AK9: variants seen among roughly 807,000 people sequenced by gnomAD.
The protein encoded by AK9 is adenylate kinase 9.
AK9 carries 191 observed loss-of-function variants against 239.6 expected under a neutral mutation model. The observed-to-expected ratio is 0.80, with a 90% CI of 0.71 to 0.90. The LOEUF (loss-of-function observed/expected upper bound fraction) is 0.90. Among genes scored for constraint, AK9 ranks in the 40% least tolerant of loss-of-function variants. AK9 has a pLI of 0.00. For synonymous variants in AK9, 689 were observed against 721.0 expected (o/e 0.96, Z 0.71); for missense variants, 1,995 against 2,214.7 (o/e 0.90, Z 1.99).
At chr6:109,502,463 C>T (rs1391703516) in intron 35 of AK9, among the ~76,000 whole-genome samples, 1 of 152,120 alleles carries the variant, frequency 6.6e-6, no homozygotes, top group Non-Finnish European at 1.5e-5. Flanking sequence ...TTTCTGGCAA[C>T]ACTGGAAAAA....
rs73527072 is a variant in AK9, at chr6:109,633,481, T to G, written c.934-158A>C. On this transcript the variant is annotated intron_variant, in intron 10 of 40. Transcript: ENST00000424296. ...TTTCTTAATTGCAACATCCTGCACT[T>G]GTCCTTGATTTAATAAGACAGTGTA... Among the ~76,000 whole-genome samples, 926 of 152,354 alleles carry G rather than the reference T, an allele frequency of 6.1e-3. 14 individuals are homozygous for G. Among genetic ancestry groups the G allele is most frequent in the African/African-American group, 0.021 (880 of 41,582 alleles).
intron 17 of AK9, among the ~76,000 whole-genome samples, chr6:109,587,420 A>G (rs1369481415): frequency 3.3e-5 from 5 of 152,138 alleles, no homozygotes; most frequent in African/African-American, 1.2e-4. Context: ...GCATTGATAT[A>G]TTGCACTGTG....
At chr6:109,516,780 A>G in intron 29 of AK9, 138 bp from the exon 30 acceptor site, 1 of 743,374 alleles carries the variant, frequency 1.3e-6, no homozygotes. Context: ...GTAACGCAAT[A>G]AGGTTTTAAA....
chr6:109,661,986 T>C (rs968120199), intron 6 of AK9, among the ~76,000 whole-genome samples: 4 of 152,212 alleles, frequency 2.6e-5, no homozygotes, highest in South Asian at 4.1e-4. Flanking sequence ...GTAGTGTTCT[T>C]TAACATTCAT....
chr6:109,551,484 C>T (rs1323144609), intron 24 of AK9, among the ~76,000 whole-genome samples: 1 of 147,540 alleles, frequency 6.8e-6, no homozygotes, highest in Non-Finnish European at 1.5e-5. Flanking sequence ...GCACACTGCA[C>T]TCCAGCCAGG....
chr6:109,555,165 C>T (rs1471417897), intron 24 of AK9, among the ~76,000 whole-genome samples: 7 of 152,122 alleles, frequency 4.6e-5, no homozygotes, highest in African/African-American at 1.4e-4. Flanking sequence ...ATAAATTTCC[C>T]TCTTAACACT....
At chr6:109,495,083 AT>A (rs1178169020) in intron 39 of AK9, among the ~76,000 whole-genome samples, 1 of 152,206 alleles carries the variant, frequency 6.6e-6, no homozygotes, top group African/African-American at 2.4e-5. Flanking sequence ...TCTAATTCAA[AT>A]GGAAACAATT....
At chr6:109,615,052 A>G (rs1015452856) in intron 13 of AK9, among the ~76,000 whole-genome samples, 2 of 152,184 alleles carry the variant, frequency 1.3e-5, no homozygotes, top group Non-Finnish European at 2.9e-5. Context: ...CTATGATTTA[A>G]TGTTATAATT....
In AK9 at chr6:109,614,208, A is replaced by G. The variant is rs768870373; in HGVS notation, c.1584T>C (p.Asp528=). The G allele has an allele frequency of 2.5e-5, 39 of 1,551,196 alleles. No homozygotes were observed. The highest frequency in any genetic ancestry group is 3.4e-5 in the Non-Finnish European group (39 of 1,146,714). The change falls in exon 15 of 41, where the codon GAT becomes GAC. Residue 528 remains aspartate (D), a synonymous_variant. Coordinates refer to ENST00000424296, the MANE Select transcript of AK9 (RefSeq NM_001145128.3). ...AKTKSENVLH[D]QAAKVDKDDG... ...CATCTTTATCAACTTTAGCAGCTTG[A>G]TCATGGAGGACATTTTCTGACTTTG...
intron 17 of AK9, among the ~76,000 whole-genome samples, chr6:109,596,334 C>G (rs561888160): frequency 3.9e-5 from 6 of 152,266 alleles, no homozygotes; most frequent in African/African-American, 1.4e-4. Flanking sequence ...GGGATCTGGG[C>G]ATAGTTACCA....
intron 33 of AK9, 22 bp downstream of exon 33, chr6:109,509,157 T>A: frequency 6.5e-7 from 1 of 1,548,122 alleles, no homozygotes; most frequent in Non-Finnish European, 8.7e-7. Context: ...CTCTGTCCCA[T>A]CCTCTCACCC....
intron 32 of AK9, among the ~76,000 whole-genome samples, chr6:109,512,752 C>G (rs555115381): frequency 2.6e-5 from 4 of 152,306 alleles, no homozygotes; most frequent in African/African-American, 9.6e-5. Context: ...TCTTGAAATA[C>G]TACAACCAAC....
At chr6:109,547,074 A>G (rs562088263) in intron 25 of AK9, among the ~76,000 whole-genome samples, 1 of 152,332 alleles carries the variant, frequency 6.6e-6, no homozygotes, top group African/African-American at 2.4e-5. Flanking sequence ...TTACAGCTGA[A>G]AACAACAACA....
At chr6:109,547,846 C>CAAAAAAA (rs55899214) in intron 25 of AK9, among the ~76,000 whole-genome samples, 1 of 121,850 alleles carries the variant, frequency 8.2e-6, no homozygotes, top group African/African-American at 3.4e-5. Flanking sequence ...AGCTCAGTAG[C>CAAAAAAA]AAAAAAAAAA....
At position 109,564,253 on chromosome 6, in the gene AK9, G is replaced by T; in HGVS notation, c.2462C>A (p.Ser821Tyr). ...CTCCATTTCGGGAACATCAGGATAAGAGTCTTCTGGAAACTCAGGTAGTAC... is the reference window on the plus strand; with the variant it reads ...CTCCATTTCGGGAACATCAGGATAATAGTCTTCTGGAAACTCAGGTAGTAC... Reference protein sequence around the residue: ...TVVLPEFPEDSYPDVPEMEPF... With the variant: ...TVVLPEFPEDYYPDVPEMEPF... The change falls in exon 23 of 41, where the codon TCT becomes TAT. Residue 821 changes from serine to tyrosine, a missense_variant. Around this residue, in one of 5 missense-constraint regions of AK9, gnomAD observed 1,290 missense variants for 1,392.7 expected, o/e 0.93. Transcript: ENST00000424296. 1 of 1,550,644 alleles carries T rather than the reference G, an allele frequency of 6.4e-7. No individual in the cohort carries two copies. Among genetic ancestry groups the T allele is most frequent in the Non-Finnish European group, 8.7e-7 (1 of 1,146,676 alleles).
rs200099334 is a variant in AK9 at position 109,529,001 on chromosome 6, A to C, written c.3633+10T>G. 1 of 1,589,012 alleles carries C rather than the reference A, an allele frequency of 6.3e-7. No individual in the cohort carries two copies. Among genetic ancestry groups the C allele is most frequent in the Non-Finnish European group, 8.6e-7 (1 of 1,166,712 alleles). On this transcript the variant is annotated intron_variant, in intron 29 of 40. Transcript: ENST00000424296. ...GACCCTGTTTTGAAAAAAAAAACAA[A>C]ACTACTTACCTCCCTCCTTTTTTTA...
At position 109,606,360 on chromosome 6, in the gene AK9, C is replaced by T. The variant is rs117072443; in HGVS notation, c.1842+4005G>A. Among the ~76,000 whole-genome samples the T allele has an allele frequency of 1.8e-3, 274 of 151,976 alleles. 6 individuals carry two copies. In the East Asian group the frequency reaches 0.044, roughly 24 times the overall value. Reference sequence around the variant, plus strand: ...ACATGACCCAGAGAGATGTAGGAGGCACAGAAAGACATAACGACAGTGCCA... The same window carrying T: ...ACATGACCCAGAGAGATGTAGGAGGTACAGAAAGACATAACGACAGTGCCA... On this transcript the variant is annotated intron_variant, in intron 17 of 40. Transcript: ENST00000424296.
chr6:109,591,613 C>T (rs952079350), intron 17 of AK9, among the ~76,000 whole-genome samples: 3 of 152,096 alleles, frequency 2.0e-5, no homozygotes, highest in Non-Finnish European at 4.4e-5. Context: ...ATTATAAGAC[C>T]TGCAAAGAGG....
intron 9 of AK9, among the ~76,000 whole-genome samples, chr6:109,643,930 T>A (rs1463449012): frequency 1.3e-5 from 2 of 152,216 alleles, no homozygotes. Flanking sequence ...AGTTTCAGAC[T>A]GGTGGTCCTC....
Sources: gnomAD v4.1 joint callset for allele counts (sites outside exome capture counted in the v4.1 genomes callset) on GRCh38, gnomAD v4.1.1 for gene constraint, gnomAD v4.1.1 regional missense constraint, MANE v1.5 for transcripts, NCBI Gene and HGNC (gene_info 2026-07-23, HGNC 2026-07-21) for gene names.